The following CREB3L2 variants were observed in gnomAD, a reference collection of about 807,000 sequenced individuals.
CREB3L2 encodes the protein cAMP responsive element binding protein 3 like 2.
A neutral mutation model predicts 57.2 loss-of-function variants in CREB3L2; 23 were observed. That is an observed-to-expected ratio of 0.40 (90% CI 0.29 to 0.57). The LOEUF (loss-of-function observed/expected upper bound fraction) is 0.57. CREB3L2 is among the 20% of genes least tolerant of loss of function. The pLI, the probability that CREB3L2 is intolerant of heterozygous loss-of-function variation, is 0.42. For synonymous variants in CREB3L2, 268 were observed against 265.1 expected (o/e 1.01, Z -0.11); for missense variants, 628 against 634.7 (o/e 0.99, Z 0.11).
At chr7:137,972,978 T>C (rs1200701407) in intron 1 of CREB3L2, among the ~76,000 whole-genome samples, 1 of 150,958 alleles carries the variant, frequency 6.6e-6, no homozygotes, top group African/African-American at 2.4e-5. Context: ...CCCAAATCCC[T>C]ATATAGGAAA....
At chr7:137,961,201 TG>T (rs1484416095) in intron 1 of CREB3L2, among the ~76,000 whole-genome samples, 5 of 110,332 alleles carry the variant, frequency 4.5e-5, no homozygotes, top group South Asian at 3.6e-4. Flanking sequence ...AACTGGGGGG[TG>T]GGGGGTGGGG....
rs781268758 is a variant in CREB3L2 at position 137,905,792 on chromosome 7, G to C, written c.825C>G (p.Ile275Met). ...VLTEEEKRTL[I>M]AEGYPIPTKL... ...TGGTGGGGATGGGATAGCCCTCAGC[G>C]ATCAGGGTCCTCTTCTCCTCCTCTG... is the stretch of plus-strand genomic sequence containing the variant. Residue 275 changes from isoleucine (I) to methionine (M), a missense_variant, in exon 6 of 12, where the codon ATC (isoleucine) becomes ATG (methionine). Ile to Met is a conservative substitution (Grantham distance 10, BLOSUM62 1). Transcript: ENST00000330387. The C allele has an allele frequency of 1.2e-6, 2 of 1,613,958 alleles. No individual in the cohort carries two copies. The highest frequency in any genetic ancestry group is 3.3e-5 in the Admixed American group (2 of 60,010).
At chr7:137,954,490 T>C (rs1432666025) in intron 1 of CREB3L2, among the ~76,000 whole-genome samples, 1 of 152,156 alleles carries the variant, frequency 6.6e-6, no homozygotes, top group Non-Finnish European at 1.5e-5. Flanking sequence ...AGAAAACTTT[T>C]AGCAAAAAGG....
chr7:137,922,485 T>TATAC (rs1800350679), intron 2 of CREB3L2: 7 of 178,096 alleles, frequency 3.9e-5, no homozygotes, highest in Admixed American at 6.3e-5. Flanking sequence ...CATATATATA[T>TATAC]ACACACACAC....
chr7:137,876,412 T>G lies in CREB3L2; in HGVS notation c.*4064A>C, dbSNP rs1468656911. 2 of 232,772 alleles carry G rather than the reference T, an allele frequency of 8.6e-6. No individual in the cohort carries two copies. Among genetic ancestry groups the G allele is most frequent in the African/African-American group, 2.2e-5 (1 of 45,208 alleles). The allele number at this position is 232,772 out of a possible 1,614,324, so 14.4% of individuals were successfully genotyped here. Reference sequence around the variant, plus strand: ...AGAGAGAAGTATAAGCATTTGGGTCTTTTGAATAACTATTATTAATGTTTC... The same window carrying G: ...AGAGAGAAGTATAAGCATTTGGGTCGTTTGAATAACTATTATTAATGTTTC... On this transcript the variant is annotated 3_prime_UTR_variant, in exon 12 of 12. Coordinates refer to ENST00000330387, the MANE Select transcript of CREB3L2 (RefSeq NM_194071.4).
At chr7:137,973,791 C>T (rs908761436) in intron 1 of CREB3L2, among the ~76,000 whole-genome samples, 2 of 152,168 alleles carry the variant, frequency 1.3e-5, no homozygotes, top group African/African-American at 4.8e-5. Flanking sequence ...ATGAATGGCT[C>T]CCCCATTCAT....
At chr7:137,908,566 C>T (rs553910354) in intron 4 of CREB3L2, 130 bp from the exon 5 acceptor site, 105 of 544,276 alleles carry the variant, frequency 1.9e-4, no homozygotes, top group East Asian at 1.8e-3. Context: ...AGGTGCAGAG[C>T]GTGGATATGG....
intron 8 of CREB3L2, among the ~76,000 whole-genome samples, chr7:137,893,244 G>T (rs2117187333): frequency 6.6e-6 from 1 of 152,254 alleles, no homozygotes; most frequent in South Asian, 2.1e-4. Context: ...GTGGAATTTT[G>T]AACTTTACAC....
At chr7:137,917,473 A>G (rs924685544) in intron 2 of CREB3L2, among the ~76,000 whole-genome samples, 5 of 152,202 alleles carry the variant, frequency 3.3e-5, no homozygotes, top group Non-Finnish European at 7.3e-5. Flanking sequence ...CTTTCTCAAA[A>G]TGCTTACACA....
chr7:137,977,823 A>G (rs141258754), intron 1 of CREB3L2, among the ~76,000 whole-genome samples: 1,597 of 152,210 alleles, frequency 0.01, 30 homozygotes, highest in African/African-American at 0.037. Flanking sequence ...GGGGAGGCTG[A>G]GGCATGAGAA....
At chr7:137,960,662 T>A (rs1480275220) in intron 1 of CREB3L2, among the ~76,000 whole-genome samples, 1 of 152,170 alleles carries the variant, frequency 6.6e-6, no homozygotes, top group South Asian at 2.1e-4. Context: ...AGGGGAACCA[T>A]CTGAAATTCA....
chr7:137,958,288 C>T (rs984840416), intron 1 of CREB3L2, among the ~76,000 whole-genome samples: 13 of 152,096 alleles, frequency 8.5e-5, no homozygotes, highest in African/African-American at 2.9e-4. Flanking sequence ...CTTAAGTTTG[C>T]GACTTGGAGA....
intron 1 of CREB3L2, among the ~76,000 whole-genome samples, chr7:137,965,612 T>A (rs1248393756): frequency 3.3e-5 from 5 of 152,148 alleles, no homozygotes; most frequent in Non-Finnish European, 7.4e-5. Flanking sequence ...CTGATTAAAG[T>A]TTCAAGGAAG....
intron 10 of CREB3L2, among the ~76,000 whole-genome samples, chr7:137,882,997 A>C (rs979441088): frequency 5.3e-5 from 8 of 152,234 alleles, no homozygotes; most frequent in Non-Finnish European, 1.0e-4. Context: ...CAGCTAAAAG[A>C]AGCAGCATTC....
chr7:137,885,094 A>G lies in CREB3L2; in HGVS notation c.1171T>C (p.Phe391Leu). The G allele has an allele frequency of 9.9e-6, 16 of 1,614,170 alleles. No individual in the cohort carries two copies. Among genetic ancestry groups the G allele is most frequent in the Non-Finnish European group, 1.2e-5 (14 of 1,180,000 alleles). Residue 391 changes from phenylalanine to leucine, a missense_variant, in exon 10 of 12, where the codon TTC (phenylalanine) becomes CTC (leucine). Physicochemically the swap from Phe to Leu is conservative, Grantham distance 22. Transcript: ENST00000330387. ...CCGTAGCCTTGAAAGAAGCTGCCGA[A>G]TGCAACGGCAAAGCACAGCACCACA... ...MVVVLCFAVA[F>L]GSFFQGYGPY...
chr7:137,940,639 CTCTG>C (rs1184626476), intron 1 of CREB3L2, among the ~76,000 whole-genome samples: 10 of 152,328 alleles, frequency 6.6e-5, no homozygotes, highest in African/African-American at 2.4e-4. Flanking sequence ...CCACAGAATT[CTCTG>C]AACAGAACGT....
intron 8 of CREB3L2, among the ~76,000 whole-genome samples, chr7:137,898,960 A>AAAGTAAGG (rs1799681599): frequency 7.5e-6 from 1 of 132,734 alleles, no homozygotes; most frequent in African/African-American, 3.8e-5. Flanking sequence ...GGAAAGAAGG[A>AAAGTAAGG]AAGGAAGGAA....
At chr7:137,922,118 T>A (rs1480955281) in intron 2 of CREB3L2, among the ~76,000 whole-genome samples, 2 of 151,792 alleles carry the variant, frequency 1.3e-5, no homozygotes, top group Admixed American at 6.6e-5. Flanking sequence ...GAGCACAAGA[T>A]GAATGTGTAA....
rs527898816 is a variant in CREB3L2 at position 137,885,211 on chromosome 7, C to T, written c.1144-90G>A. 8 of 1,472,076 alleles carry T rather than the reference C, an allele frequency of 5.4e-6. No homozygotes were observed. In the African/African-American group the frequency reaches 8.4e-5, roughly 15 times the overall value. The allele number at this position is 1,472,076 out of a possible 1,614,324, so 91.2% of individuals were successfully genotyped here. On this transcript the variant is annotated intron_variant, in intron 9 of 11. Coordinates refer to ENST00000330387, the MANE Select transcript of CREB3L2 (RefSeq NM_194071.4). ...AGCTTTATACCCAGGGACACAGACT[C>T]TCCTCTTCAGGCCAGTGGACTGCAC...
Sources: gnomAD v4.1 joint callset for allele counts (sites outside exome capture counted in the v4.1 genomes callset) on GRCh38, gnomAD v4.1.1 for gene constraint, MANE v1.5 for transcripts, NCBI Gene and HGNC (gene_info 2026-07-23, HGNC 2026-07-21) for gene names.